Variants in MTMR9 observed in about 807,000 individuals in gnomAD.
The protein encoded by MTMR9 is myotubularin related protein 9, also known as myotubularin-related protein 9.
MTMR9 carries 39 observed loss-of-function variants against 69.5 expected under a neutral mutation model. The ratio of observed to expected loss-of-function variants is 0.56; its 90% CI spans 0.43 to 0.73. MTMR9 has a LOEUF of 0.73. Among genes scored for constraint, MTMR9 ranks in the 30% least tolerant of loss-of-function variants. MTMR9 has a pLI of 0.00. For synonymous variants in MTMR9, 354 were observed against 240.8 expected, an observed-to-expected ratio of 1.47 and a Z score of -4.35; for missense variants, 900 against 671.2, an observed-to-expected ratio of 1.34 and a Z score of -3.77.
rs1279630080 is a variant in MTMR9, at chr8:11,309,566, A to G, written c.849A>G (p.Glu283=). The G allele has an allele frequency of 6.2e-7, 1 of 1,613,882 alleles. No homozygotes were observed. Among genetic ancestry groups the G allele is most frequent in the Admixed American group, 1.7e-5 (1 of 59,994 alleles). Residue 283 remains glutamate, a synonymous_variant, in exon 6 of 10, where the codon GAA becomes GAG. Transcript: ENST00000221086. ...ILQESLIKLV[E]ACNDQTHNMD... ...AGGAGAGCTTAATCAAACTTGTGGA[A>G]GCTTGTAATGACCAAACACATAACA...
intron 2 of MTMR9, among the ~76,000 whole-genome samples, chr8:11,296,086 G>A (rs1258182415): frequency 7.0e-6 from 1 of 143,112 alleles, no homozygotes; most frequent in East Asian, 2.5e-4. Flanking sequence ...GAATATTATT[G>A]TACCATATTA....
chr8:11,308,724 G>A (rs750652981), intron 5 of MTMR9, among the ~76,000 whole-genome samples: 2 of 152,128 alleles, frequency 1.3e-5, no homozygotes, highest in Admixed American at 6.5e-5. Flanking sequence ...GTATGCATTT[G>A]CATTGTTTTT....
At chr8:11,333,795 C>T in the MTMR9 span, among the ~76,000 whole-genome samples, 1 of 152,154 alleles carries the variant, frequency 6.6e-6, no homozygotes, top group Admixed American at 6.5e-5. Context: ...TAACTCAAAC[C>T]TGAGTGAAGA....
chr8:11,328,816 A>G (rs2117489600), downstream of MTMR9, among the ~76,000 whole-genome samples: 1 of 152,374 alleles, frequency 6.6e-6, no homozygotes, highest in Non-Finnish European at 1.5e-5. Flanking sequence ...ATCATTAGTA[A>G]TGGGACATAT....
At chr8:11,332,984 A>G (rs1356471205), downstream of MTMR9, among the ~76,000 whole-genome samples, 1 of 152,226 alleles carries the variant, frequency 6.6e-6, no homozygotes, top group Admixed American at 6.5e-5. Context: ...TGAGGAGCAT[A>G]AAGAAAAAGA....
intron 3 of MTMR9, 25 bp downstream of exon 3, chr8:11,300,173 G>A: frequency 6.2e-7 from 1 of 1,609,810 alleles, no homozygotes; most frequent in East Asian, 2.2e-5. Flanking sequence ...GAGAACTGTG[G>A]ATTATGAGAA....
intron 8 of MTMR9, 104 bp downstream of exon 8, chr8:11,316,997 ATTAT>A: frequency 1.6e-6 from 1 of 641,906 alleles, no homozygotes. Context: ...CTATATTAAA[ATTAT>A]TTATAAAAAG....
At chr8:11,287,021 G>A (rs1004270062) in intron 1 of MTMR9, among the ~76,000 whole-genome samples, 2 of 152,198 alleles carry the variant, frequency 1.3e-5, no homozygotes, top group Admixed American at 1.3e-4. Context: ...AATAAAATAT[G>A]TTACAGTTCT....
At chr8:11,319,586 ATCT>A (rs1187544502) in intron 8 of MTMR9, 98 bp from the exon 9 acceptor site, 1 of 1,244,830 alleles carries the variant, frequency 8.0e-7, no homozygotes. Context: ...CTTGTATTCT[ATCT>A]TCTTTCATAC....
At chr8:11,308,350 G>T (rs193111390) in intron 5 of MTMR9, among the ~76,000 whole-genome samples, 13 of 152,222 alleles carry the variant, frequency 8.5e-5, no homozygotes, top group African/African-American at 3.1e-4. Context: ...TACCATAAAT[G>T]CATGGATTTA....
At position 11,322,848 on chromosome 8, in the gene MTMR9, T is replaced by TG; in HGVS notation, c.*61dup. On this transcript the variant is annotated 3_prime_UTR_variant, in exon 10 of 10. Transcript: ENST00000221086. Reference sequence around the variant, plus strand: ...GGGCCTGTGTCCGCCGTTCTCTCCTTGTGCCCTTCAGTTCACTTTTACACG... The same window carrying TG: ...GGGCCTGTGTCCGCCGTTCTCTCCTTGGTGCCCTTCAGTTCACTTTTACACG... 2.0e-6 allele frequency: 3 copies of TG among 1,513,452 alleles called. No individual in the cohort carries two copies. The South Asian group carries it at 3.8e-5, about 19-fold the overall frequency. 93.8% of individuals were successfully genotyped at this position (1,513,452 alleles called of 1,614,324 possible).
intron 8 of MTMR9, 55 bp downstream of exon 8, chr8:11,316,948 C>G: frequency 1.1e-5 from 13 of 1,211,702 alleles, no homozygotes; most frequent in African/African-American, 3.0e-5. Context: ...TGGCTACTTC[C>G]TAAGTAGCCA....
rs7016671 is a variant in MTMR9 at position 11,324,946 on chromosome 8, A to G, written c.*2158A>G. 0.41 allele frequency: 62,039 copies of G among 152,144 alleles called. 14,266 individuals are homozygous for G. The highest frequency in any genetic ancestry group is 0.73 in the East Asian group (3,797 of 5,172). 9.4% of individuals were successfully genotyped at this position (152,144 alleles called of 1,614,324 possible). Reference sequence around the variant, plus strand: ...GGTGGAAACTTGTGAGGGAGTTTGTATTAGGTCTGGTCATGGAGGGATGAT... The same window carrying G: ...GGTGGAAACTTGTGAGGGAGTTTGTGTTAGGTCTGGTCATGGAGGGATGAT... On this transcript the variant is annotated 3_prime_UTR_variant, in exon 10 of 10. Transcript: ENST00000221086.
rs146234822 is a variant in MTMR9 at position 11,286,303 on chromosome 8, G to C, written c.182+1233G>C. On this transcript the variant is annotated intron_variant, in intron 1 of 9. Coordinates refer to ENST00000221086, the MANE Select transcript of MTMR9 (RefSeq NM_015458.4). ...TTGCAGGCAGTTTGGGTGAAGCCAT[G>C]GTAGATTGATTGATTGATATGAGCA... is the stretch of plus-strand genomic sequence containing the variant. Among the ~76,000 whole-genome samples, 740 of 151,878 alleles carry C rather than the reference G, an allele frequency of 4.9e-3. 7 individuals carry two copies. The highest frequency in any genetic ancestry group is 0.016 in the African/African-American group (670 of 41,430).
chr8:11,308,085 T>A (rs549637585), intron 5 of MTMR9, among the ~76,000 whole-genome samples: 15 of 152,378 alleles, frequency 9.8e-5, no homozygotes, highest in African/African-American at 3.6e-4. Context: ...TTGCCTCTGC[T>A]TTTGAGGTCA....
At chr8:11,303,983 T>C (rs942148208) in intron 3 of MTMR9, among the ~76,000 whole-genome samples, 2 of 152,250 alleles carry the variant, frequency 1.3e-5, no homozygotes, top group East Asian at 3.8e-4. Context: ...AGCTTTATCT[T>C]CCTGCTATTG....
intron 8 of MTMR9, chr8:11,318,915 A>C (rs904755894): frequency 1.3e-5 from 2 of 152,058 alleles, no homozygotes; most frequent in African/African-American, 4.8e-5. Flanking sequence ...AGAAGGATAC[A>C]GTGGACTTTG....
rs1800916290 is a variant in MTMR9, at chr8:11,326,031, A to G, written c.*3243A>G. On this transcript the variant is annotated 3_prime_UTR_variant, in exon 10 of 10. Coordinates refer to ENST00000221086, the MANE Select transcript of MTMR9 (RefSeq NM_015458.4). ...ATTGCTTTTTGTTTTAAAGGATGAAATTTTGTGGGGTTTTAGTCTTTGATT... is the reference window on the plus strand; with the variant it reads ...ATTGCTTTTTGTTTTAAAGGATGAAGTTTTGTGGGGTTTTAGTCTTTGATT... 1 of 152,128 alleles carries G rather than the reference A, an allele frequency of 6.6e-6. No individual in the cohort carries two copies. Among genetic ancestry groups the G allele is most frequent in the African/African-American group, 2.4e-5 (1 of 41,420 alleles). 9.4% of individuals were successfully genotyped at this position (152,128 alleles called of 1,614,324 possible).
At chr8:11,291,621 A>T (rs1438222690) in intron 1 of MTMR9, among the ~76,000 whole-genome samples, 1 of 152,110 alleles carries the variant, frequency 6.6e-6, no homozygotes, top group Non-Finnish European at 1.5e-5. Context: ...AGTTTATAGC[A>T]TATTTATTCT....
Sources: allele counts gnomAD v4.1 joint callset (sites outside exome capture counted in the v4.1 genomes callset), GRCh38; gene constraint gnomAD v4.1.1; transcripts MANE v1.5; gene names NCBI Gene and HGNC (gene_info 2026-07-23, HGNC 2026-07-21).